KIR3DL1: variants seen among roughly 807,000 people sequenced by gnomAD.
KIR3DL1 encodes killer cell immunoglobulin-like receptor 3DL1.
In KIR3DL1, 50 loss-of-function variants were observed where a neutral mutation model predicts 40.3. That is an observed-to-expected ratio of 1.24 (90% CI 0.99 to 1.57). The LOEUF (loss-of-function observed/expected upper bound fraction) is 1.57, where lower values mean the gene tolerates loss of function less well. Among genes scored for constraint, KIR3DL1 ranks in the 40% most tolerant of loss-of-function variants. The probability of loss-of-function intolerance (pLI) is 0.00; values close to 1 mark genes in which losing one functional copy is unlikely to be tolerated. For synonymous variants in KIR3DL1, 257 were observed against 207.2 expected (o/e 1.24, Z -2.07); for missense variants, 661 against 559.9 (o/e 1.18, Z -1.82).
At chr19:54,818,049 G>C (rs2061436968) in intron 2 of KIR3DL1, among the ~76,000 whole-genome samples, 1 of 148,892 alleles carries the variant, frequency 6.7e-6, no homozygotes, top group African/African-American at 2.5e-5. Context: ...TCCATGCCGT[G>C]TCTACTTTGT....
chr19:54,824,471 G>A (rs1369352115), intron 5 of KIR3DL1, among the ~76,000 whole-genome samples: 1 of 151,386 alleles, frequency 6.6e-6, no homozygotes, highest in Non-Finnish European at 1.5e-5. Context: ...GAAGCCAGGA[G>A]TTCAAGACCA....
intron 4 of KIR3DL1, among the ~76,000 whole-genome samples, chr19:54,821,307 C>T (rs2061620798): frequency 6.6e-6 from 1 of 150,832 alleles, no homozygotes. Flanking sequence ...ATCAAGTCAA[C>T]CAATCCAAGG....
At chr19:54,819,776 T>C (rs1460614103) in exon 4 of KIR3DL1, 2 of 1,610,816 alleles carry the variant, frequency 1.2e-6, no homozygotes, top group South Asian at 2.2e-5. Context: ...GGAGAGAGAG[T>C]CATCCTGCAA....
chr19:54,825,043 G>T, exon 6 of KIR3DL1: 1 of 1,517,830 alleles, frequency 6.6e-7, no homozygotes, highest in Non-Finnish European at 9.1e-7. Flanking sequence ...CCTTCAAGTA[G>T]TTGGCCTTCA....
In KIR3DL1 at chr19:54,829,306, T is replaced by A. The variant is rs2062080211; in HGVS notation, c.1001-55T>A. The A allele has an allele frequency of 4.5e-6, 6 of 1,322,242 alleles. No homozygotes were observed. The East Asian group carries it at 1.2e-4, about 26-fold the overall frequency. The allele number at this position is 1,322,242 out of a possible 1,614,324, so 81.9% of individuals were successfully genotyped here. A position where few individuals can be genotyped will look rare whatever the true frequency, so the allele number is the denominator to read the frequency against. On this transcript the variant is annotated intron_variant, in intron 6 of 8. Transcript: ENST00000391728. Reference sequence around the variant, plus strand: ...TGTCAATCAAGAAATGCAAGACAATTCATATAGAGAAACTGCTATGATTAG... The same window carrying A: ...TGTCAATCAAGAAATGCAAGACAATACATATAGAGAAACTGCTATGATTAG...
At chr19:54,819,117 T>A (rs1340408960) in intron 3 of KIR3DL1, among the ~76,000 whole-genome samples, 3 of 151,212 alleles carry the variant, frequency 2.0e-5, no homozygotes, top group African/African-American at 7.3e-5. Flanking sequence ...TGTAGACACC[T>A]TGATTTCAGC....
exon 9 of KIR3DL1, chr19:54,830,470 G>A: frequency 1.4e-6 from 1 of 698,858 alleles, no homozygotes; most frequent in Non-Finnish European, 2.3e-6. Flanking sequence ...CTGCCTGCTG[G>A]AAAGAAAACA....
At chr19:54,817,590 T>A in intron 2 of KIR3DL1, 21 bp downstream of exon 2, 1 of 1,498,386 alleles carries the variant, frequency 6.7e-7, no homozygotes, top group Non-Finnish European at 9.1e-7. Flanking sequence ...CCCCAAACCT[T>A]AGGGTGTCAT....
chr19:54,819,679 A>C, intron 3 of KIR3DL1, 34 bp from the exon 4 acceptor site: 1 of 1,594,096 alleles, frequency 6.3e-7, no homozygotes, highest in Non-Finnish European at 8.6e-7. Flanking sequence ...TGATAAAGAG[A>C]GATGCCTTCT....
At chr19:54,818,822 G>C (rs555407237) in intron 3 of KIR3DL1, among the ~76,000 whole-genome samples, 10 of 150,896 alleles carry the variant, frequency 6.6e-5, no homozygotes, top group Non-Finnish European at 1.2e-4. Flanking sequence ...TTACAGGGCA[G>C]GGGACTGAAG....
chr19:54,817,067 G>GGCCTGGGGTGGAGATATGT (rs2061381793), intron 1 of KIR3DL1, among the ~76,000 whole-genome samples: 1 of 147,070 alleles, frequency 6.8e-6, no homozygotes, highest in Non-Finnish European at 1.5e-5. Flanking sequence ...TGGAGATATG[G>GGCCTGGGGTGGAGATATGT]GCCTGGGGTG....
exon 9 of KIR3DL1, chr19:54,830,215 C>T (rs762601517): frequency 6.6e-7 from 1 of 1,523,510 alleles, no homozygotes; most frequent in South Asian, 1.3e-5. Flanking sequence ...CTACAGATAC[C>T]ATCTTGTACA....
intron 5 of KIR3DL1, among the ~76,000 whole-genome samples, chr19:54,823,352 A>G (rs2061731582): frequency 6.6e-6 from 1 of 151,102 alleles, no homozygotes; most frequent in African/African-American, 2.4e-5. Context: ...TTAGTTTTTT[A>G]AAGAATTTCC....
At chr19:54,817,543 T>C in exon 2 of KIR3DL1, 2 of 1,512,518 alleles carry the variant, frequency 1.3e-6, no homozygotes, top group Non-Finnish European at 1.8e-6. Flanking sequence ...GGGTTGTTCT[T>C]GGTCCAGAGG....
intron 5 of KIR3DL1, among the ~76,000 whole-genome samples, chr19:54,824,010 A>T (rs1168398125): frequency 2.6e-5 from 4 of 151,174 alleles, no homozygotes; most frequent in Non-Finnish European, 2.9e-5. Flanking sequence ...GTCTCAGATG[A>T]ATAGTTTGCA....
At chr19:54,822,087 G>A (rs1423934159) in intron 5 of KIR3DL1, among the ~76,000 whole-genome samples, 11 of 150,956 alleles carry the variant, frequency 7.3e-5, no homozygotes, top group Non-Finnish European at 1.5e-4. Context: ...TGGAGAAAGC[G>A]GTCAGGACAG....
At chr19:54,829,786 A>G in intron 7 of KIR3DL1, 142 bp from the exon 8 acceptor site, 1 of 784,022 alleles carries the variant, frequency 1.3e-6, no homozygotes, top group Non-Finnish European at 2.0e-6. Flanking sequence ...TTGAGCTCAG[A>G]GAGATAGAAT....
At chr19:54,818,475 G>C (rs769553279) in exon 3 of KIR3DL1, 1 of 1,609,794 alleles carries the variant, frequency 6.2e-7, no homozygotes, top group Admixed American at 1.7e-5. Flanking sequence ...GAATATTCCA[G>C]GAGAGCTTCA....
chr19:54,816,501 A>G, exon 1 of KIR3DL1: 6 of 1,606,804 alleles, frequency 3.7e-6, no homozygotes, highest in South Asian at 1.1e-5. Flanking sequence ...CGGCAGCACC[A>G]TGTCGCTCAT....
Sources: allele counts gnomAD v4.1 joint callset (sites outside exome capture counted in the v4.1 genomes callset), GRCh38; gene constraint gnomAD v4.1.1; transcripts MANE v1.5; gene names NCBI Gene and HGNC (gene_info 2026-07-23, HGNC 2026-07-21).